The following STPG2 variants were observed in gnomAD, a reference collection of about 807,000 sequenced individuals.
STPG2 encodes sperm-tail PG-rich repeat-containing protein 2.
Under a neutral mutation model 54.2 loss-of-function variants are expected in STPG2, and 56 were observed. That is an observed-to-expected ratio of 1.03 (90% CI 0.83 to 1.29). STPG2 has a LOEUF of 1.29. STPG2 is among the 50% of genes most tolerant of loss of function. The pLI, the probability that STPG2 is intolerant of heterozygous loss-of-function variation, is 0.00. For synonymous variants in STPG2, 200 were observed against 181.8 expected (o/e 1.10, Z -0.81); for missense variants, 596 against 544.9 (o/e 1.09, Z -0.93).
chr4:97,691,581 T>C (rs1723367491), intron 10 of STPG2, among the ~76,000 whole-genome samples: 1 of 152,112 alleles, frequency 6.6e-6, no homozygotes, highest in Admixed American at 6.5e-5. Flanking sequence ...CCTGATGATC[T>C]TTCTCTACCC....
chr4:97,619,494 A>T (rs1190207623), intron 10 of STPG2, among the ~76,000 whole-genome samples: 1 of 150,982 alleles, frequency 6.6e-6, no homozygotes, highest in African/African-American at 2.4e-5. Context: ...GAGGGCTGAT[A>T]GGAAGATAAT....
chr4:97,663,896 A>G (rs1375917695), intron 10 of STPG2, among the ~76,000 whole-genome samples: 1 of 152,192 alleles, frequency 6.6e-6, no homozygotes, highest in Non-Finnish European at 1.5e-5. Context: ...CAAAAGCATT[A>G]TGTTAATACT....
intron 7 of STPG2, among the ~76,000 whole-genome samples, chr4:97,960,191 C>A (rs1374259934): frequency 6.6e-6 from 1 of 152,006 alleles, no homozygotes; most frequent in Non-Finnish European, 1.5e-5. Context: ...ATAGAAGGGA[C>A]AAATCTCAAT....
At chr4:98,120,330 C>T (rs62318909) in intron 3 of STPG2, among the ~76,000 whole-genome samples, 5,923 of 152,182 alleles carry the variant, frequency 0.039, 189 homozygotes, top group Non-Finnish European at 0.063. Context: ...CCACCTGCCT[C>T]GGCCTTCCAA....
intron 4 of STPG2, among the ~76,000 whole-genome samples, chr4:97,525,970 A>AT (rs36053233): frequency 0.015 from 2,327 of 152,136 alleles, 54 homozygotes; most frequent in African/African-American, 0.053. Flanking sequence ...TTACAAATAC[A>AT]TTTTTTCTAA....
At chr4:97,954,995 T>G (rs2149243298) in intron 7 of STPG2, among the ~76,000 whole-genome samples, 1 of 152,240 alleles carries the variant, frequency 6.6e-6, no homozygotes, top group Admixed American at 6.5e-5. Flanking sequence ...AAAGAAATAG[T>G]TGAAATCGTA....
At chr4:97,624,255 C>T (rs1734084679) in intron 10 of STPG2, among the ~76,000 whole-genome samples, 2 of 152,082 alleles carry the variant, frequency 1.3e-5, no homozygotes, top group African/African-American at 4.8e-5. Context: ...CATTCACACC[C>T]ACAATGTGAA....
Position 97,639,626 on chromosome 4 carries a change from T to G in STPG2, c.1320+73073A>C, listed in dbSNP as rs563513079. On this transcript the variant is annotated intron_variant, in intron 10 of 10. Coordinates refer to ENST00000295268, the MANE Select transcript of STPG2 (RefSeq NM_174952.3). ...ACAAAGCATAGCTACATATTACGGTTGAAAGGAATACAAACATTTATAAAT... is the reference window on the plus strand; with the variant it reads ...ACAAAGCATAGCTACATATTACGGTGGAAAGGAATACAAACATTTATAAAT... Among the ~76,000 whole-genome samples the G allele has an allele frequency of 7.2e-5, 11 of 152,240 alleles. No individual in the cohort carries two copies. The South Asian group carries it at 2.3e-3, about 32-fold the overall frequency.
At chr4:97,892,197 C>A (rs1201990153) in intron 8 of STPG2, among the ~76,000 whole-genome samples, 1 of 152,110 alleles carries the variant, frequency 6.6e-6, no homozygotes, top group Non-Finnish European at 1.5e-5. Context: ...TGGTCATTTA[C>A]TCAGTGTAAA....
downstream of STPG2, among the ~76,000 whole-genome samples, chr4:97,557,968 A>G (rs1732119216): frequency 6.6e-6 from 1 of 152,224 alleles, no homozygotes; most frequent in East Asian, 1.9e-4. Flanking sequence ...TCCAGATTAA[A>G]GCAGAACACA....
At chr4:97,925,562 G>A (rs548292595) in intron 8 of STPG2, among the ~76,000 whole-genome samples, 3 of 152,172 alleles carry the variant, frequency 2.0e-5, no homozygotes, top group Admixed American at 6.5e-5. Context: ...GTGGTTAGTT[G>A]TATAATAAGA....
Position 98,117,821 on chromosome 4 carries a change from A to T in STPG2, c.388-8516T>A, listed in dbSNP as rs570088274. 5.9e-5 allele frequency among the ~76,000 whole-genome samples: 9 copies of T among 152,200 alleles called. No individual in the cohort carries two copies. The South Asian group carries it at 1.9e-3, about 32-fold the overall frequency. On this transcript the variant is annotated intron_variant, in intron 3 of 10. Transcript: ENST00000295268. ...ATTGATGCTCTCTATTGGGTAAGGC[A>T]CTATTCTTATACTTCCATTTAGTTC... is the stretch of plus-strand genomic sequence containing the variant.
intron 4 of STPG2, among the ~76,000 whole-genome samples, chr4:97,501,060 AGTGGGAAATGCTGAAGAGAT>A (rs1281062192): frequency 6.6e-6 from 1 of 151,908 alleles, no homozygotes; most frequent in African/African-American, 2.4e-5. Context: ...ATGGAGGGAG[AGTGGGAAATGCTGAAGAGAT>A]GTCTTTGGGA....
At chr4:97,572,202 C>T (rs1256596204) in intron 10 of STPG2, among the ~76,000 whole-genome samples, 1 of 152,052 alleles carries the variant, frequency 6.6e-6, no homozygotes, top group African/African-American at 2.4e-5. Context: ...TTCAGTATGA[C>T]CATGGAGTGA....
At chr4:97,846,616 T>A (rs1578616412) in intron 8 of STPG2, among the ~76,000 whole-genome samples, 2 of 93,218 alleles carry the variant, frequency 2.1e-5, no homozygotes, top group African/African-American at 4.8e-5. Context: ...AGTGTGAGAC[T>A]CCACCTCAAA....
At chr4:97,583,275 T>G (rs184278606) in intron 10 of STPG2, among the ~76,000 whole-genome samples, 38 of 152,028 alleles carry the variant, frequency 2.5e-4, no homozygotes, top group African/African-American at 9.2e-4. Context: ...GGAAGAGGTG[T>G]TTTTAGGATC....
chr4:97,742,921 C>T (rs1725309055), intron 9 of STPG2, among the ~76,000 whole-genome samples: 1 of 150,934 alleles, frequency 6.6e-6, no homozygotes, highest in African/African-American at 2.4e-5. Flanking sequence ...TTATAACACA[C>T]AAAAATAATA....
At position 97,797,554 on chromosome 4, in the gene STPG2, G is replaced by C. The variant is rs945516716; in HGVS notation, c.1204+43219C>G. Among the ~76,000 whole-genome samples, 4 of 152,158 alleles carry C rather than the reference G, an allele frequency of 2.6e-5. No homozygotes were observed. In the East Asian group the frequency reaches 7.7e-4, roughly 29 times the overall value. ...GGATGAAGCCCACTTGATCACAGTG[G>C]ATAAACTTTTTGATGTGCTGCTGGA... On this transcript the variant is annotated intron_variant, in intron 9 of 10. Transcript: ENST00000295268.
At chr4:97,823,699 G>C (rs541272074) in intron 9 of STPG2, among the ~76,000 whole-genome samples, 1 of 152,256 alleles carries the variant, frequency 6.6e-6, no homozygotes, top group East Asian at 1.9e-4. Flanking sequence ...CAGAAGGGAT[G>C]ATACTGAAGA....
Sources: gnomAD v4.1 joint callset for allele counts (sites outside exome capture counted in the v4.1 genomes callset) on GRCh38, gnomAD v4.1.1 for gene constraint, MANE v1.5 for transcripts, NCBI Gene and HGNC (gene_info 2026-07-23, HGNC 2026-07-21) for gene names.